EVC2: variants seen among roughly 807,000 people sequenced by gnomAD.
The protein encoded by EVC2 is EvC ciliary complex subunit 2, also known as limbin.
A neutral mutation model predicts 149.3 loss-of-function variants in EVC2; 148 were observed. That is an observed-to-expected ratio of 0.99 (90% CI 0.87 to 1.14). The LOEUF is 1.14. Among genes scored for constraint, EVC2 ranks in the 50% most tolerant of loss-of-function variants. The pLI is 0.00. For missense variants in EVC2, 1,854 were observed against 1,627.3 expected (o/e 1.14, Z -2.40); for synonymous variants, 776 against 649.9 (o/e 1.19, Z -2.95).
chr4:5,534,392 TA>T, the EVC2 span, among the ~76,000 whole-genome samples: 1 of 152,100 alleles, frequency 6.6e-6, no homozygotes, highest in South Asian at 2.1e-4. Flanking sequence ...GATGGATGGA[TA>T]GATAGATGAA....
intron 9 of EVC2, among the ~76,000 whole-genome samples, chr4:5,662,558 AT>A (rs1245551108): frequency 7.9e-6 from 1 of 126,076 alleles, no homozygotes; most frequent in Admixed American, 8.0e-5. Flanking sequence ...TATTAAATAT[AT>A]TAAATATAAT....
At chr4:5,676,516 C>G (rs750514105) in intron 7 of EVC2, among the ~76,000 whole-genome samples, 1 of 152,192 alleles carries the variant, frequency 6.6e-6, no homozygotes, top group Non-Finnish European at 1.5e-5. Context: ...AGGTCCCCGC[C>G]GCCATCAGCC....
rs978501304 is a variant in EVC2 at position 5,640,432 on chromosome 4, G to A, written c.1470+82C>T. ...GGGTAGACGGATGGAGGAGGCAAAT[G>A]GACAGATGAGTGGGTAGATGGATAA... On this transcript the variant is annotated intron_variant, in intron 10 of 21. Coordinates refer to ENST00000344408, the MANE Select transcript of EVC2 (RefSeq NM_147127.5). This position sits in a 1 kb window ranked among gnomAD's most constrained non-coding sequence, Gnocchi z 4.6. 2.6e-6 allele frequency: 4 copies of A among 1,535,456 alleles called. No homozygotes were observed. Among genetic ancestry groups the A allele is most frequent in the Non-Finnish European group, 3.6e-6 (4 of 1,109,664 alleles).
chr4:5,681,192 A>G, intron 7 of EVC2, 68 bp downstream of exon 7: 5 of 1,579,666 alleles, frequency 3.2e-6, no homozygotes, highest in Non-Finnish European at 4.4e-6. Context: ...CCATGGCTCC[A>G]AGGACAGGCA....
intron 14 of EVC2, among the ~76,000 whole-genome samples, chr4:5,619,338 G>T (rs757090148): frequency 6.6e-6 from 1 of 152,142 alleles, no homozygotes; most frequent in Admixed American, 6.5e-5. Flanking sequence ...GAGCACAGTG[G>T]GCCCTTAATG....
At chr4:5,675,788 T>C (rs1180614321) in intron 7 of EVC2, among the ~76,000 whole-genome samples, 3 of 151,976 alleles carry the variant, frequency 2.0e-5, no homozygotes, top group African/African-American at 7.3e-5. Context: ...CTACTAATAA[T>C]ACAAAATTAG....
rs1577178690 is a variant in EVC2 at position 5,628,408 on chromosome 4, G to A, written c.1886+151C>T. 3.3e-6 allele frequency: 3 copies of A among 905,164 alleles called. No individual in the cohort carries two copies. In the South Asian group the frequency reaches 4.5e-5, roughly 14 times the overall value. The allele number at this position is 905,164 out of a possible 1,614,324, so 56.1% of individuals were successfully genotyped here. The stretch of plus-strand genomic sequence containing the variant: ...CACCATGTTATGATGAAGTAAGAAG[G>A]CCCTCACTCGATCTTGAACTTCCCA... On this transcript the variant is annotated intron_variant, in intron 12 of 21. Transcript: ENST00000344408.
At chr4:5,529,376 A>C in the EVC2 span, among the ~76,000 whole-genome samples, 2 of 152,200 alleles carry the variant, frequency 1.3e-5, no homozygotes, top group Non-Finnish European at 2.9e-5. This position sits in a 1 kb window ranked among gnomAD's most constrained non-coding sequence, Gnocchi z 4.5. Flanking sequence ...TACCTCCAAG[A>C]CAACAACCAA....
In EVC2 at chr4:5,565,351, T is replaced by C; in HGVS notation, c.3566A>G (p.Gln1189Arg). The C allele has an allele frequency of 2.5e-6, 4 of 1,614,032 alleles. No homozygotes were observed. Among genetic ancestry groups the C allele is most frequent in the Non-Finnish European group, 3.4e-6 (4 of 1,179,950 alleles). Residue 1189 changes from glutamine to arginine, a missense_variant, in exon 21 of 22, where the codon CAG (glutamine) becomes CGG (arginine). By Grantham distance (43) the Gln-to-Arg change is conservative. Coordinates refer to ENST00000344408, the MANE Select transcript of EVC2 (RefSeq NM_147127.5). ...QADVGRRRKH[Q>R]SWWQALDGKL... ...GCCATCTAAGGCTTGCCACCAGCTC[T>C]GGTGTTTCCTGCAGGCAAGAAGGGA...
chr4:5,572,589 G>A lies in EVC2; in HGVS notation c.3360+2096C>T, dbSNP rs559748100. Among the ~76,000 whole-genome samples, 7 of 152,138 alleles carry A rather than the reference G, an allele frequency of 4.6e-5. No homozygotes were observed. In the East Asian group the frequency reaches 9.6e-4, roughly 21 times the overall value. On this transcript the variant is annotated intron_variant, in intron 19 of 21. Transcript: ENST00000344408. ...CTGCATCTGCAGGTACCTTGATTTCGGACTTCCCAGCCTCCAGAATTATGA... is the reference window on the plus strand; with the variant it reads ...CTGCATCTGCAGGTACCTTGATTTCAGACTTCCCAGCCTCCAGAATTATGA...
At chr4:5,691,381 T>C (rs1258609567) in intron 3 of EVC2, 48 bp from the exon 4 acceptor site, 1 of 1,471,198 alleles carries the variant, frequency 6.8e-7, no homozygotes, top group Admixed American at 1.7e-5. Flanking sequence ...TATTTCATGC[T>C]ATACATATTT....
At chr4:5,538,956 A>G (rs1458264625), downstream of EVC2, among the ~76,000 whole-genome samples, 1 of 152,170 alleles carries the variant, frequency 6.6e-6, no homozygotes, top group Non-Finnish European at 1.5e-5. Context: ...CCAGTAAAGT[A>G]AGGCAAGAAA....
chr4:5,618,377 G>T lies in EVC2; in HGVS notation c.2706+101C>A. 1 of 1,323,920 alleles carries T rather than the reference G, an allele frequency of 7.6e-7. No individual in the cohort carries two copies. The highest frequency in any genetic ancestry group is 1.1e-6 in the Non-Finnish European group (1 of 927,532). 82.0% of individuals were successfully genotyped at this position (1,323,920 alleles called of 1,614,324 possible). ...GAGAGGAGAGGATAGGGGAGCATGAGGTGAGATGGGCTCAGGCTGGGGAAG... is the reference window on the plus strand; with the variant it reads ...GAGAGGAGAGGATAGGGGAGCATGATGTGAGATGGGCTCAGGCTGGGGAAG... On this transcript the variant is annotated intron_variant, in intron 15 of 21. Coordinates refer to ENST00000344408, the MANE Select transcript of EVC2 (RefSeq NM_147127.5). The surrounding 1 kb of genome is among the most constrained non-coding windows in gnomAD (Gnocchi z 4.4).
At chr4:5,652,304 A>G (rs4303924) in intron 9 of EVC2, among the ~76,000 whole-genome samples, 92,176 of 152,008 alleles carry the variant, frequency 0.61, 28,226 homozygotes, top group African/African-American at 0.69. Flanking sequence ...GGATGGCAAC[A>G]CAATTCAGCC....
rs1038510831 is a variant in EVC2, at chr4:5,633,692, G to A, written c.1471-1660C>T. On this transcript the variant is annotated intron_variant, in intron 10 of 21. Coordinates refer to ENST00000344408, the MANE Select transcript of EVC2 (RefSeq NM_147127.5). This position sits in a 1 kb window ranked among gnomAD's most constrained non-coding sequence, Gnocchi z 4.4. ...CAGGTGTGGCATCATGCCATGGCTG[G>A]GCTGAGTAGAAGCCCGAGGAAGGCA... Among the ~76,000 whole-genome samples the A allele has an allele frequency of 6.6e-6, 1 of 152,254 alleles. No homozygotes were observed. The highest frequency in any genetic ancestry group is 2.4e-5 in the African/African-American group (1 of 41,470).
chr4:5,697,508 G>A (rs936546264), intron 2 of EVC2, 85 bp downstream of exon 2: 1 of 1,334,782 alleles, frequency 7.5e-7, no homozygotes. Context: ...TCAGCAGAGA[G>A]TGAGGGAGCT....
intron 7 of EVC2, among the ~76,000 whole-genome samples, chr4:5,671,773 G>C (rs1719666364): frequency 6.6e-6 from 1 of 152,202 alleles, no homozygotes; most frequent in South Asian, 2.1e-4. Flanking sequence ...GCCTCCCAAA[G>C]TGTTGGGATT....
rs1715095013 is a variant in EVC2, at chr4:5,614,602, G to A, written c.2829+820C>T. Among the ~76,000 whole-genome samples, 1 of 152,160 alleles carries A rather than the reference G, an allele frequency of 6.6e-6. No homozygotes were observed. The highest frequency in any genetic ancestry group is 2.1e-4 in the South Asian group (1 of 4,816). ...TTATTTATCCAGGTAAATAGAGGTG[G>A]AAAAGTAATTCCACAAAGACAGAAG... On this transcript the variant is annotated intron_variant, in intron 16 of 21. Transcript: ENST00000344408. The surrounding 1 kb of genome is among the most constrained non-coding windows in gnomAD (Gnocchi z 4.7).
At chr4:5,664,314 G>T (rs1333715281) in intron 8 of EVC2, among the ~76,000 whole-genome samples, 6 of 152,084 alleles carry the variant, frequency 3.9e-5, no homozygotes, top group Non-Finnish European at 8.8e-5. Flanking sequence ...CACTATGCTG[G>T]CAAAAAAATA....
Sources: gnomAD v4.1 joint callset for allele counts (sites outside exome capture counted in the v4.1 genomes callset) on GRCh38, gnomAD v4.1.1 for gene constraint, Gnocchi (gnomAD v3.1) non-coding constraint, MANE v1.5 for transcripts, NCBI Gene and HGNC (gene_info 2026-07-23, HGNC 2026-07-21) for gene names.